Variants in PLXDC2 observed in about 807,000 individuals in gnomAD.
The protein encoded by PLXDC2 is plexin domain-containing protein 2.
PLXDC2 carries 40 observed loss-of-function variants against 68.9 expected under a neutral mutation model. The ratio of observed to expected loss-of-function variants is 0.58; its 90% CI spans 0.45 to 0.76. PLXDC2 has a LOEUF of 0.76. Among genes scored for constraint, PLXDC2 ranks in the 30% least tolerant of loss-of-function variants. PLXDC2 has a pLI of 0.00. For missense variants in PLXDC2, 644 were observed against 661.9 expected (o/e 0.97, Z 0.30); for synonymous variants, 243 against 234.2 (o/e 1.04, Z -0.34).
At chr10:20,057,392 TCC>T (rs1475335052) in intron 3 of PLXDC2, among the ~76,000 whole-genome samples, 15 of 152,126 alleles carry the variant, frequency 9.9e-5, no homozygotes, top group Admixed American at 9.8e-4. Context: ...TTATACCTGG[TCC>T]CAATATCTTT....
rs796512739 is a variant in PLXDC2 at position 20,082,070 on chromosome 10, A to ACAAAAAC, written c.541+13831_541+13832insCAAAAAC. Among the ~76,000 whole-genome samples, 1,203 of 121,742 alleles carry ACAAAAAC rather than the reference A, an allele frequency of 9.9e-3. 18 individuals carry two copies. The highest frequency in any genetic ancestry group is 0.017 in the Non-Finnish European group (960 of 56,688). The allele number at this position is 121,742 out of a possible 152,430, so 79.9% of individuals were successfully genotyped here. On this transcript the variant is annotated intron_variant, in intron 4 of 13. Coordinates refer to ENST00000377252, the MANE Select transcript of PLXDC2 (RefSeq NM_032812.9). The stretch of plus-strand genomic sequence containing the variant: ...GAAAAAAAAAAAAAAAAATCAAAAA[A>ACAAAAAC]AAAAAACAGGAGAAGTCTGAGAAAC...
At chr10:20,198,681 C>A (rs1001950602) in intron 9 of PLXDC2, among the ~76,000 whole-genome samples, 2 of 152,026 alleles carry the variant, frequency 1.3e-5, no homozygotes, top group African/African-American at 4.8e-5. Flanking sequence ...AAAATTATAT[C>A]TCTGATGAGG....
chr10:20,066,761 G>T (rs1382433670), intron 3 of PLXDC2, among the ~76,000 whole-genome samples: 2 of 152,116 alleles, frequency 1.3e-5, no homozygotes, highest in African/African-American at 4.8e-5. Flanking sequence ...AATCGTGATG[G>T]CTATAAAAAA....
chr10:20,009,505 C>G (rs760814186), intron 2 of PLXDC2, among the ~76,000 whole-genome samples: 7 of 151,812 alleles, frequency 4.6e-5, no homozygotes, highest in African/African-American at 7.3e-5. Context: ...CTTGGACCTC[C>G]AAGTGTATTG....
chr10:20,001,023 AG>A (rs1248795228), intron 1 of PLXDC2, among the ~76,000 whole-genome samples: 3 of 152,224 alleles, frequency 2.0e-5, no homozygotes. Context: ...TGGGTCAGCA[AG>A]GCCAGTCCCT....
intron 1 of PLXDC2, among the ~76,000 whole-genome samples, chr10:19,958,464 T>C (rs1459332651): frequency 3.9e-5 from 6 of 152,168 alleles, no homozygotes; most frequent in South Asian, 4.1e-4. Flanking sequence ...CATCTAAACA[T>C]GTAAATCTGA....
At chr10:20,278,178 G>A (rs1588558232) in intron 13 of PLXDC2, among the ~76,000 whole-genome samples, 1 of 152,156 alleles carries the variant, frequency 6.6e-6, no homozygotes, top group East Asian at 1.9e-4. Flanking sequence ...TTCATGCTAG[G>A]TGGCAGGGTT....
At chr10:19,845,624 T>C (rs1160093537) in intron 1 of PLXDC2, among the ~76,000 whole-genome samples, 1 of 152,158 alleles carries the variant, frequency 6.6e-6, no homozygotes, top group Non-Finnish European at 1.5e-5. Context: ...AACAGCTTTA[T>C]GAAAGAGGCA....
intron 1 of PLXDC2, among the ~76,000 whole-genome samples, chr10:19,889,210 A>G (rs760102340): frequency 3.9e-4 from 59 of 151,938 alleles, no homozygotes; most frequent in Non-Finnish European, 7.4e-4. Flanking sequence ...CCCATTTTAT[A>G]TATATATATA....
At chr10:20,276,419 G>A (rs1009414623) in intron 13 of PLXDC2, among the ~76,000 whole-genome samples, 1 of 152,170 alleles carries the variant, frequency 6.6e-6, no homozygotes, top group Non-Finnish European at 1.5e-5. Context: ...TAGTACTGAA[G>A]CAAGAATTAG....
intron 1 of PLXDC2, among the ~76,000 whole-genome samples, chr10:19,957,568 G>C (rs1016040263): frequency 6.6e-6 from 1 of 152,074 alleles, no homozygotes; most frequent in African/African-American, 2.4e-5. Flanking sequence ...GTTTATGCCA[G>C]GATAATGTTG....
chr10:20,227,284 C>T (rs375255139), intron 12 of PLXDC2, among the ~76,000 whole-genome samples: 43 of 151,932 alleles, frequency 2.8e-4, no homozygotes, highest in Non-Finnish European at 4.7e-4. Context: ...TTGATATTTA[C>T]GTATAGTGTG....
intron 12 of PLXDC2, among the ~76,000 whole-genome samples, chr10:20,231,454 G>A (rs1436043137): frequency 2.0e-5 from 3 of 151,220 alleles, no homozygotes; most frequent in Admixed American, 1.3e-4. Flanking sequence ...GAAAGGATTA[G>A]AAAGGAAAAA....
intron 4 of PLXDC2, among the ~76,000 whole-genome samples, chr10:20,135,939 A>G (rs1229444190): frequency 6.6e-6 from 1 of 152,200 alleles, no homozygotes; most frequent in Non-Finnish European, 1.5e-5. Context: ...GTGATTGACA[A>G]TATTATAGTT....
intron 2 of PLXDC2, among the ~76,000 whole-genome samples, chr10:20,044,891 T>C (rs1457243092): frequency 2.0e-5 from 3 of 152,140 alleles, no homozygotes; most frequent in African/African-American, 4.8e-5. Context: ...CATCTTCTGA[T>C]GGTGAAGCCC....
rs115717131 is a variant in PLXDC2, at chr10:20,178,575, C to T, written c.1061+1166C>T. On this transcript the variant is annotated intron_variant, in intron 9 of 13. Transcript: ENST00000377252. ...GCTGTTAATCCGTGTATGTTACACC[C>T]GAGCTTTCGGTTGTATGAGCAGTCT... Among the ~76,000 whole-genome samples, 260 of 152,122 alleles carry T rather than the reference C, an allele frequency of 1.7e-3. 2 individuals carry two copies. Among genetic ancestry groups the T allele is most frequent in the African/African-American group, 6.0e-3 (248 of 41,500 alleles).
chr10:20,171,288 C>A (rs1158610942), intron 7 of PLXDC2, among the ~76,000 whole-genome samples: 1 of 152,140 alleles, frequency 6.6e-6, no homozygotes, highest in Non-Finnish European at 1.5e-5. Context: ...GATCAATCGA[C>A]AGATCTCCAG....
At chr10:20,043,120 A>G (rs554522431) in intron 2 of PLXDC2, among the ~76,000 whole-genome samples, 4 of 152,186 alleles carry the variant, frequency 2.6e-5, no homozygotes, top group African/African-American at 9.6e-5. Context: ...AAAATGTCAC[A>G]TTTTTGAGAA....
At chr10:20,145,713 C>A (rs1834067624) in intron 5 of PLXDC2, among the ~76,000 whole-genome samples, 1 of 152,124 alleles carries the variant, frequency 6.6e-6, no homozygotes, top group Admixed American at 6.5e-5. Flanking sequence ...CCACGCCCGG[C>A]TAATTTTTTA....
Sources: gnomAD v4.1 joint callset for allele counts (sites outside exome capture counted in the v4.1 genomes callset) on GRCh38, gnomAD v4.1.1 for gene constraint, MANE v1.5 for transcripts, NCBI Gene and HGNC (gene_info 2026-07-23, HGNC 2026-07-21) for gene names.